The following FER variants were observed in gnomAD, a reference collection of about 807,000 sequenced individuals.
The protein encoded by FER is tyrosine-protein kinase Fer.
A neutral mutation model predicts 111.0 loss-of-function variants in FER; 63 were observed. The observed-to-expected ratio is 0.57, with a 90% CI of 0.46 to 0.70. The LOEUF is 0.70. FER is among the 30% of genes least tolerant of loss of function. The probability of loss-of-function intolerance (pLI) is 0.00; values close to 1 mark genes in which losing one functional copy is unlikely to be tolerated. For missense variants in FER, 914 were observed against 954.0 expected (o/e 0.96, Z 0.55); for synonymous variants, 327 against 313.9 (o/e 1.04, Z -0.44).
At chr5:108,894,357 T>C (rs1019565926) in intron 9 of FER, 3 of 992,070 alleles carry the variant, frequency 3.0e-6, no homozygotes, top group African/African-American at 3.4e-5. Context: ...CTGTTTCTGC[T>C]GCAAGGGTTC....
chr5:108,860,452 A>G (rs1192791370), intron 5 of FER, among the ~76,000 whole-genome samples: 1 of 152,208 alleles, frequency 6.6e-6, no homozygotes, highest in Non-Finnish European at 1.5e-5. Flanking sequence ...TTTAGATTAA[A>G]TGTTTTGCTT....
chr5:109,053,502 C>T (rs1477732845), intron 16 of FER, among the ~76,000 whole-genome samples: 32 of 152,038 alleles, frequency 2.1e-4, no homozygotes, highest in Non-Finnish European at 4.4e-5. Flanking sequence ...TTTCTTCTAC[C>T]TTTTACTACC....
At chr5:109,008,004 T>C (rs1765718285) in intron 13 of FER, among the ~76,000 whole-genome samples, 1 of 152,224 alleles carries the variant, frequency 6.6e-6, no homozygotes, top group South Asian at 2.1e-4. Flanking sequence ...ACTGTAGTTT[T>C]AATTTGTATT....
chr5:108,938,064 ACACACACG>A (rs1265806633), intron 10 of FER, among the ~76,000 whole-genome samples: 9 of 146,540 alleles, frequency 6.1e-5, no homozygotes, highest in African/African-American at 2.3e-4. Flanking sequence ...ACACACACAC[ACACACACG>A]TAAAAACTGA....
At chr5:108,842,035 T>G (rs1014768885) in intron 5 of FER, among the ~76,000 whole-genome samples, 1 of 152,214 alleles carries the variant, frequency 6.6e-6, no homozygotes, top group Non-Finnish European at 1.5e-5. Context: ...ATAGCTTTGA[T>G]AATGAAATTG....
At chr5:109,097,057 A>G (rs1202261030) in intron 16 of FER, among the ~76,000 whole-genome samples, 1 of 150,454 alleles carries the variant, frequency 6.6e-6, no homozygotes, top group African/African-American at 2.4e-5. Context: ...ACTGTGTGCT[A>G]GGCACATGCT....
intron 3 of FER, among the ~76,000 whole-genome samples, chr5:108,816,269 T>C (rs1758268601): frequency 6.6e-6 from 1 of 152,244 alleles, no homozygotes; most frequent in African/African-American, 2.4e-5. Context: ...CCATGCTGCG[T>C]AGGAATACAT....
intron 1 of FER, among the ~76,000 whole-genome samples, chr5:108,760,212 A>G (rs1269206571): frequency 6.7e-6 from 1 of 150,056 alleles, no homozygotes; most frequent in African/African-American, 2.5e-5. Context: ...TAAAATATTC[A>G]GTAAACCATG....
At chr5:108,992,891 A>G (rs1305750334) in intron 13 of FER, among the ~76,000 whole-genome samples, 2 of 132,628 alleles carry the variant, frequency 1.5e-5, no homozygotes, top group African/African-American at 2.9e-5. Context: ...CGCTCCTCAC[A>G]TCCCAGACGG....
At chr5:108,808,253 G>A (rs1757399183) in intron 3 of FER, among the ~76,000 whole-genome samples, 1 of 151,916 alleles carries the variant, frequency 6.6e-6, no homozygotes, top group Non-Finnish European at 1.5e-5. Flanking sequence ...TGTAGGTCTA[G>A]ATGTATTTTT....
intron 10 of FER, among the ~76,000 whole-genome samples, chr5:108,932,098 T>C (rs922028779): frequency 6.6e-6 from 1 of 152,036 alleles, no homozygotes; most frequent in African/African-American, 2.4e-5. Context: ...GGTATACACA[T>C]GCCATGGTGG....
chr5:108,838,524 T>C (rs1470385603), intron 5 of FER, among the ~76,000 whole-genome samples: 1 of 152,190 alleles, frequency 6.6e-6, no homozygotes, highest in Non-Finnish European at 1.5e-5. Context: ...GTTCAGTTCC[T>C]ATAACTGGGA....
At position 109,079,106 on chromosome 5, in the gene FER, T is replaced by G. The variant is rs185570829; in HGVS notation, c.1925-21290T>G. ...AAAGATGAATTTGTATACATTCTCC[T>G]TGTTTATTTTTTTCTAGTGGTAATG... On this transcript the variant is annotated intron_variant, in intron 16 of 19. Coordinates refer to ENST00000281092, the MANE Select transcript of FER (RefSeq NM_005246.4). Among the ~76,000 whole-genome samples the G allele has an allele frequency of 2.1e-3, 298 of 143,936 alleles. 2 individuals carry two copies. The highest frequency in any genetic ancestry group is 3.7e-3 in the Admixed American group (53 of 14,178). The allele number at this position is 143,936 out of a possible 152,430, so 94.4% of individuals were successfully genotyped here.
intron 17 of FER, among the ~76,000 whole-genome samples, chr5:109,128,272 A>C (rs1370565500): frequency 6.6e-6 from 1 of 152,062 alleles, no homozygotes; most frequent in Non-Finnish European, 1.5e-5. Context: ...CTATTTCTTA[A>C]TCATGAAATA....
In FER at chr5:108,945,466, G is replaced by C. The variant is rs529973817; in HGVS notation, c.1237-664G>C. 2.0e-5 allele frequency among the ~76,000 whole-genome samples: 3 copies of C among 151,982 alleles called. No individual in the cohort carries two copies. In the South Asian group the frequency reaches 6.2e-4, roughly 32 times the overall value. ...AAAAGTTTCCTTCATTATGGTATATGATATTCAGAAATACACATTGTGTGG... is the reference window on the plus strand; with the variant it reads ...AAAAGTTTCCTTCATTATGGTATATCATATTCAGAAATACACATTGTGTGG... On this transcript the variant is annotated intron_variant, in intron 10 of 19. Transcript: ENST00000281092.
chr5:108,808,402 C>T (rs879573155), intron 3 of FER, among the ~76,000 whole-genome samples: 13 of 151,810 alleles, frequency 8.6e-5, no homozygotes, highest in Non-Finnish European at 1.5e-4. Flanking sequence ...TTTGTTTTAT[C>T]TGATATAAGA....
intron 15 of FER, 61 bp from the exon 16 acceptor site, chr5:109,047,043 A>G: frequency 1.1e-6 from 1 of 929,730 alleles, no homozygotes; most frequent in Non-Finnish European, 1.7e-6. Flanking sequence ...CCTATTTGTG[A>G]TCACAAATTA....
intron 13 of FER, among the ~76,000 whole-genome samples, chr5:109,021,830 A>G (rs768592523): frequency 3.9e-5 from 6 of 152,086 alleles, no homozygotes; most frequent in Non-Finnish European, 7.4e-5. Context: ...TTGTTTTTTC[A>G]TGTTGCATTA....
At chr5:108,798,535 A>G (rs1756296997) in intron 3 of FER, 146 bp downstream of exon 3, 4 of 747,392 alleles carry the variant, frequency 5.4e-6, no homozygotes, top group Admixed American at 3.0e-5. Flanking sequence ...AATCTCATGG[A>G]GAAGTTTTTA....
Sources: gnomAD v4.1 joint callset for allele counts (sites outside exome capture counted in the v4.1 genomes callset) on GRCh38, gnomAD v4.1.1 for gene constraint, MANE v1.5 for transcripts, NCBI Gene and HGNC (gene_info 2026-07-23, HGNC 2026-07-21) for gene names.